Variants in POU6F2 observed in about 807,000 individuals in gnomAD.
The protein encoded by POU6F2 is POU domain, class 6, transcription factor 2.
In POU6F2, 31 loss-of-function variants were observed where a neutral mutation model predicts 71.3. The observed-to-expected ratio is 0.43, with a 90% CI of 0.33 to 0.59. POU6F2 has a LOEUF of 0.59. Among genes scored for constraint, POU6F2 ranks in the 20% least tolerant of loss-of-function variants. The pLI, the probability that POU6F2 is intolerant of heterozygous loss-of-function variation, is 0.04. For missense variants in POU6F2, 783 were observed against 856.8 expected, an observed-to-expected ratio of 0.91 and a Z score of 1.07; for synonymous variants, 347 against 355.7, an observed-to-expected ratio of 0.98 and a Z score of 0.27.
chr7:39,359,226 A>G (rs996051134), intron 5 of POU6F2, among the ~76,000 whole-genome samples: 3 of 152,060 alleles, frequency 2.0e-5, no homozygotes, highest in Admixed American at 1.3e-4. Context: ...CGTGTTAGAC[A>G]GTATGTAAAG....
At chr7:39,185,855 G>GTATATGTATA (rs1562738065) in intron 2 of POU6F2, among the ~76,000 whole-genome samples, 2 of 54,104 alleles carry the variant, frequency 3.7e-5, no homozygotes, top group Admixed American at 1.8e-4. Flanking sequence ...GTATATGTAT[G>GTATATGTATA]TGTATATATG....
chr7:39,215,328 G>A (rs886753493), intron 4 of POU6F2, among the ~76,000 whole-genome samples: 26 of 152,130 alleles, frequency 1.7e-4, no homozygotes, highest in African/African-American at 6.0e-4. Context: ...CTGGGCAACA[G>A]AGTGAGACTC....
rs1427033600 is a variant in POU6F2, at chr7:39,010,612, T to A, written c.105+32554T>A. ...GCTTTTCTAGTTCTTTTAATTGTGATGTTAGGGTGTCAATTTTGGATCTTT... is the reference window on the plus strand; with the variant it reads ...GCTTTTCTAGTTCTTTTAATTGTGAAGTTAGGGTGTCAATTTTGGATCTTT... On this transcript the variant is annotated intron_variant, in intron 1 of 9. Coordinates refer to ENST00000518318, the MANE Select transcript of POU6F2 (RefSeq NM_001370959.1). 2.5e-3 allele frequency among the ~76,000 whole-genome samples: 352 copies of A among 141,868 alleles called. 1 individual carries two copies. The highest frequency in any genetic ancestry group is 8.8e-3 in the African/African-American group (337 of 38,102). 93.1% of individuals were successfully genotyped at this position (141,868 alleles called of 152,430 possible).
intron 1 of POU6F2, among the ~76,000 whole-genome samples, chr7:39,046,513 C>G (rs1790295000): frequency 6.6e-6 from 1 of 151,708 alleles, no homozygotes; most frequent in African/African-American, 2.4e-5. Flanking sequence ...CTTATATAAC[C>G]CAAGTCACAG....
chr7:39,203,295 A>G (rs183212654), intron 2 of POU6F2, among the ~76,000 whole-genome samples: 6 of 152,330 alleles, frequency 3.9e-5, no homozygotes, highest in African/African-American at 1.4e-4. Flanking sequence ...CTTGTTATTC[A>G]TAGGACAAAC....
At chr7:39,125,360 C>T (rs1233617037) in intron 2 of POU6F2, among the ~76,000 whole-genome samples, 1 of 151,982 alleles carries the variant, frequency 6.6e-6, no homozygotes, top group Non-Finnish European at 1.5e-5. Context: ...CATTGTGGGT[C>T]CCCAGTTATA....
At chr7:39,207,333 T>C in intron 3 of POU6F2, 59 bp from the exon 4 acceptor site, 1 of 1,527,536 alleles carries the variant, frequency 6.5e-7, no homozygotes, top group Non-Finnish European at 8.9e-7. Flanking sequence ...GAAGATGTTT[T>C]TAAAACCCAT....
chr7:39,174,127 C>T (rs1209511488), intron 2 of POU6F2, among the ~76,000 whole-genome samples: 3 of 152,226 alleles, frequency 2.0e-5, no homozygotes, highest in Non-Finnish European at 4.4e-5. Context: ...CCCTTCAGTT[C>T]ACCCTGGAGG....
chr7:39,304,949 A>T (rs560166063), intron 4 of POU6F2, among the ~76,000 whole-genome samples: 8 of 152,358 alleles, frequency 5.3e-5, no homozygotes, highest in Admixed American at 5.2e-4. Context: ...TCAGTTAAGT[A>T]AGGTATGTTA....
At chr7:39,186,248 C>A (rs1270687661) in intron 2 of POU6F2, among the ~76,000 whole-genome samples, 6 of 152,066 alleles carry the variant, frequency 3.9e-5, no homozygotes, top group Admixed American at 3.9e-4. Flanking sequence ...ACTGGGAATC[C>A]CCAAGCATAG....
In POU6F2 at chr7:39,465,547, G is replaced by C. The variant is rs1451611673; in HGVS notation, c.*861G>C. The C allele has an allele frequency of 6.6e-6, 1 of 152,120 alleles. No individual in the cohort carries two copies. The highest frequency in any genetic ancestry group is 1.5e-5 in the Non-Finnish European group (1 of 68,032). 9.4% of individuals were successfully genotyped at this position (152,120 alleles called of 1,614,324 possible). A position where few individuals can be genotyped will look rare whatever the true frequency, so the allele number is the denominator to read the frequency against. On this transcript the variant is annotated 3_prime_UTR_variant, in exon 10 of 10. Coordinates refer to ENST00000518318, the MANE Select transcript of POU6F2 (RefSeq NM_001370959.1). ...GGTTTGAGAAAAGAAAATGGAGCTC[G>C]CATTTCTCTCTTTTCCTCCATTTCT... is the stretch of plus-strand genomic sequence containing the variant.
At chr7:39,022,873 G>A (rs1205792668) in intron 1 of POU6F2, among the ~76,000 whole-genome samples, 1 of 152,052 alleles carries the variant, frequency 6.6e-6, no homozygotes, top group Non-Finnish European at 1.5e-5. Flanking sequence ...CAAGAGCAGA[G>A]TTGCTAAGTG....
chr7:39,355,595 A>C (rs895389950), intron 5 of POU6F2, among the ~76,000 whole-genome samples: 1 of 152,086 alleles, frequency 6.6e-6, no homozygotes, highest in African/African-American at 2.4e-5. Flanking sequence ...AACATATTGC[A>C]TGTGATATGA....
chr7:39,054,934 C>T (rs567278646), intron 1 of POU6F2, among the ~76,000 whole-genome samples: 1 of 151,902 alleles, frequency 6.6e-6, no homozygotes, highest in African/African-American at 2.4e-5. Context: ...TTACTCATTA[C>T]CCTCAAGATA....
intron 2 of POU6F2, among the ~76,000 whole-genome samples, chr7:39,199,063 G>A (rs774225589): frequency 6.6e-6 from 1 of 152,180 alleles, no homozygotes; most frequent in Non-Finnish European, 1.5e-5. Flanking sequence ...ATGTGATTAT[G>A]TTTGTGCTAA....
At chr7:39,419,023 A>G (rs575825340) in intron 6 of POU6F2, among the ~76,000 whole-genome samples, 115 of 146,334 alleles carry the variant, frequency 7.9e-4, no homozygotes, top group South Asian at 1.7e-3. Flanking sequence ...ATGTATATAT[A>G]TGTGTGTATA....
At chr7:39,108,862 A>G (rs1791747436) in intron 2 of POU6F2, among the ~76,000 whole-genome samples, 1 of 152,222 alleles carries the variant, frequency 6.6e-6, no homozygotes, top group Non-Finnish European at 1.5e-5. Flanking sequence ...ATAATTTGCA[A>G]CACAAAGTAT....
intron 1 of POU6F2, among the ~76,000 whole-genome samples, chr7:39,005,517 T>G (rs1213124550): frequency 6.6e-6 from 1 of 151,694 alleles, no homozygotes; most frequent in Non-Finnish European, 1.5e-5. Context: ...TGTGTGTGTT[T>G]ATGTTGTGTG....
At chr7:39,323,407 A>T (rs1258848637) in intron 4 of POU6F2, among the ~76,000 whole-genome samples, 1 of 152,028 alleles carries the variant, frequency 6.6e-6, no homozygotes, top group African/African-American at 2.4e-5. Context: ...GGCTCTCCTG[A>T]TTTTTTAGTC....
Sources: allele counts gnomAD v4.1 joint callset (sites outside exome capture counted in the v4.1 genomes callset), GRCh38; gene constraint gnomAD v4.1.1; transcripts MANE v1.5; gene names NCBI Gene and HGNC (gene_info 2026-07-23, HGNC 2026-07-21).